XXYLT1: variants seen among roughly 807,000 people sequenced by gnomAD.
The protein encoded by XXYLT1 is xyloside xylosyltransferase 1, also known as UDP-xylose:alpha-xyloside alpha-1,3-xylosyltransferase.
In XXYLT1, 20 loss-of-function variants were observed where a neutral mutation model predicts 28.9. That is an observed-to-expected ratio of 0.69 (90% CI 0.49 to 1.00). The LOEUF is 1.00. XXYLT1 is among the 50% of genes least tolerant of loss of function. The pLI is 0.00. For missense variants in XXYLT1, 542 were observed against 560.1 expected (o/e 0.97, Z 0.33); for synonymous variants, 257 against 253.8 (o/e 1.01, Z -0.12).
At chr3:195,106,219 G>A (rs551641413) in intron 3 of XXYLT1, among the ~76,000 whole-genome samples, 1 of 151,910 alleles carries the variant, frequency 6.6e-6, no homozygotes, top group South Asian at 2.1e-4. Flanking sequence ...ATTCACTAGT[G>A]TTCTCGACGG....
At chr3:195,196,096 T>C (rs1335231834) in intron 2 of XXYLT1, among the ~76,000 whole-genome samples, 1 of 152,216 alleles carries the variant, frequency 6.6e-6, no homozygotes, top group Non-Finnish European at 1.5e-5. Context: ...AGCAGAACCC[T>C]GTGCCTGATG....
At chr3:195,142,590 T>C (rs1290505312) in intron 3 of XXYLT1, among the ~76,000 whole-genome samples, 1 of 152,252 alleles carries the variant, frequency 6.6e-6, no homozygotes, top group Non-Finnish European at 1.5e-5. Flanking sequence ...AAAAATAAGT[T>C]ATCCAGGAGA....
intron 3 of XXYLT1, among the ~76,000 whole-genome samples, chr3:195,110,545 G>GT (rs1560101251): frequency 0.025 from 352 of 14,024 alleles, 65 homozygotes; most frequent in African/African-American, 0.055. Flanking sequence ...GCGTGTGTGT[G>GT]GTGTGTGTGT....
At chr3:195,259,721 G>C in intron 1 of XXYLT1, 1 of 976,116 alleles carries the variant, frequency 1.0e-6, no homozygotes. Flanking sequence ...GCGGCCCCCG[G>C]AGCCGGCCTC....
intron 3 of XXYLT1, among the ~76,000 whole-genome samples, chr3:195,083,296 C>T (rs1715541131): frequency 6.6e-6 from 1 of 152,190 alleles, no homozygotes; most frequent in Admixed American, 6.5e-5. Flanking sequence ...TGTGTGTAAA[C>T]TGTGAGCTGA....
At chr3:195,088,697 A>G (rs1197573839) in intron 3 of XXYLT1, among the ~76,000 whole-genome samples, 1 of 142,040 alleles carries the variant, frequency 7.0e-6, no homozygotes, top group East Asian at 2.2e-4. Flanking sequence ...ACGAGCTGAG[A>G]GAAGAAGGCT....
chr3:195,074,338 T>A (rs1714996390), intron 3 of XXYLT1, among the ~76,000 whole-genome samples: 1 of 152,150 alleles, frequency 6.6e-6, no homozygotes, highest in Admixed American at 6.5e-5. Flanking sequence ...CCTTCAGCCT[T>A]GAGAGCAGTC....
intron 1 of XXYLT1, among the ~76,000 whole-genome samples, chr3:195,242,988 A>G (rs1163812151): frequency 6.6e-6 from 1 of 152,204 alleles, no homozygotes; most frequent in Non-Finnish European, 1.5e-5. Flanking sequence ...AGACTGGATT[A>G]AGAAAATGTG....
In XXYLT1 at chr3:195,173,134, C is replaced by A. The variant is rs1577107419; in HGVS notation, c.653-16553G>T. ...ACACATCTTGCAAGTCCATCAGGAG[C>A]TCTGGCTCTCTAGACGGTGCTCCCA... is the stretch of plus-strand genomic sequence containing the variant. On this transcript the variant is annotated intron_variant, in intron 2 of 3. Transcript: ENST00000310380. This position sits in a 1 kb window ranked among gnomAD's most constrained non-coding sequence, Gnocchi z 4.3. 6.6e-6 allele frequency among the ~76,000 whole-genome samples: 1 copy of A among 152,178 alleles called. No homozygotes were observed. The highest frequency in any genetic ancestry group is 2.1e-4 in the South Asian group (1 of 4,826).
At chr3:195,087,549 G>C (rs546750468) in intron 3 of XXYLT1, among the ~76,000 whole-genome samples, 2 of 152,234 alleles carry the variant, frequency 1.3e-5, no homozygotes, top group Non-Finnish European at 2.9e-5. Flanking sequence ...CAACTTCTCA[G>C]CTCTCTCCGG....
intron 3 of XXYLT1, among the ~76,000 whole-genome samples, chr3:195,089,419 C>G (rs1716005612): frequency 6.6e-6 from 1 of 151,944 alleles, no homozygotes; most frequent in African/African-American, 2.4e-5. Context: ...TCATATCCAG[C>G]CAAACTAAGC....
At chr3:195,208,893 G>C (rs1723189759) in intron 2 of XXYLT1, among the ~76,000 whole-genome samples, 1 of 152,144 alleles carries the variant, frequency 6.6e-6, no homozygotes, top group South Asian at 2.1e-4. Flanking sequence ...TTTCCTTGAG[G>C]TTAGCTCCCA....
At position 195,156,498 on chromosome 3, in the gene XXYLT1, G is replaced by A. The variant is rs1720599817; in HGVS notation, c.736C>T (p.Leu246=). 1.4e-5 allele frequency: 23 copies of A among 1,614,106 alleles called. No individual in the cohort carries two copies. Among genetic ancestry groups the A allele is most frequent in the Non-Finnish European group, 1.9e-5 (22 of 1,180,050 alleles). The change falls in exon 3 of 4, where the codon CTG becomes TTG. Residue 246 remains leucine (L), a synonymous_variant. Coordinates refer to ENST00000310380, the MANE Select transcript of XXYLT1 (RefSeq NM_152531.5). ...RELFEEFDSF[L]PGAIIGIARE... ...GCTATGCCGATGATGGCGCCTGGCA[G>A]GAAACTGTCAAATTCCTCAAACAAC... is the stretch of plus-strand genomic sequence containing the variant.
At chr3:195,196,564 G>C (rs544063894) in intron 2 of XXYLT1, among the ~76,000 whole-genome samples, 20 of 152,352 alleles carry the variant, frequency 1.3e-4, no homozygotes, top group Admixed American at 3.9e-4. Flanking sequence ...AGGCAGATAG[G>C]CGGAGAAAGA....
chr3:195,172,169 C>T (rs946969815), intron 2 of XXYLT1, among the ~76,000 whole-genome samples: 18 of 152,166 alleles, frequency 1.2e-4, no homozygotes, highest in East Asian at 1.9e-4. Flanking sequence ...CTAGCCCAGG[C>T]GATCTGGGAT....
intron 2 of XXYLT1, among the ~76,000 whole-genome samples, chr3:195,204,975 T>G (rs988240890): frequency 6.6e-6 from 1 of 152,196 alleles, no homozygotes; most frequent in African/African-American, 2.4e-5. Context: ...TCCTCCCCAG[T>G]TGCGAAGTCA....
intron 3 of XXYLT1, among the ~76,000 whole-genome samples, chr3:195,146,526 C>G (rs1190726275): frequency 2.0e-5 from 3 of 152,210 alleles, no homozygotes; most frequent in African/African-American, 7.2e-5. Context: ...ATAGCCAAAC[C>G]CTCGGCAAAT....
chr3:195,227,984 C>G (rs1724128447), intron 1 of XXYLT1, among the ~76,000 whole-genome samples: 1 of 152,194 alleles, frequency 6.6e-6, no homozygotes, highest in Non-Finnish European at 1.5e-5. Flanking sequence ...CAAGTTTTTC[C>G]TGTTGTTCCA....
chr3:195,098,534 CAG>C (rs1000491106), intron 3 of XXYLT1, among the ~76,000 whole-genome samples: 1 of 152,130 alleles, frequency 6.6e-6, no homozygotes, highest in African/African-American at 2.4e-5. Context: ...GCCTGGGAGA[CAG>C]AGAGAGAGAC....
Sources: gnomAD v4.1 joint callset for allele counts (sites outside exome capture counted in the v4.1 genomes callset) on GRCh38, gnomAD v4.1.1 for gene constraint, Gnocchi (gnomAD v3.1) non-coding constraint, MANE v1.5 for transcripts, NCBI Gene and HGNC (gene_info 2026-07-23, HGNC 2026-07-21) for gene names.